Variants in SRPRB observed in about 807,000 individuals in gnomAD.
SRPRB encodes SRP receptor subunit beta, also known as signal recognition particle receptor subunit beta.
SRPRB carries 20 observed loss-of-function variants against 31.9 expected under a neutral mutation model. The observed-to-expected ratio is 0.63, with a 90% CI of 0.44 to 0.91. SRPRB has a LOEUF of 0.91. Ranked by LOEUF, SRPRB falls within the 40% of genes least tolerant of loss-of-function variation. The pLI is 0.00. For synonymous variants in SRPRB, 146 were observed against 132.8 expected, an observed-to-expected ratio of 1.10 and a Z score of -0.68; for missense variants, 321 against 324.9, an observed-to-expected ratio of 0.99 and a Z score of 0.09.
At chr3:133,787,435 T>C (rs567906443) in intron 1 of SRPRB, 1 of 152,358 alleles carries the variant, frequency 6.6e-6, no homozygotes, top group East Asian at 1.9e-4. Context: ...TAGCCACTGA[T>C]ACATGTGCAA....
At chr3:133,800,551 G>A (rs950795633) in intron 1 of SRPRB, among the ~76,000 whole-genome samples, 1 of 152,216 alleles carries the variant, frequency 6.6e-6, no homozygotes, top group Admixed American at 6.5e-5. Context: ...GGATATAGGG[G>A]ACTGATCCTA....
At chr3:133,798,564 AT>A (rs1232180354) in intron 1 of SRPRB, among the ~76,000 whole-genome samples, 1 of 152,198 alleles carries the variant, frequency 6.6e-6, no homozygotes, top group Non-Finnish European at 1.5e-5. Context: ...CTTTTATAAA[AT>A]TTTTGTTCCA....
chr3:133,789,878 CGTTTTTTTT>C (rs1392946990), intron 1 of SRPRB: 8 of 52,440 alleles, frequency 1.5e-4, no homozygotes, highest in Middle Eastern at 0.014. Context: ...ATCTCGTTTG[CGTTTTTTTT>C]TTTTTTTTTT....
intron 4 of SRPRB, among the ~76,000 whole-genome samples, chr3:133,812,487 T>TA (rs1188632768): frequency 6.6e-6 from 1 of 152,228 alleles, no homozygotes; most frequent in East Asian, 1.9e-4. Context: ...TTTGGGTAAA[T>TA]AAAACATGCA....
At chr3:133,801,314 A>G (rs1001509535), upstream of SRPRB, among the ~76,000 whole-genome samples, 9 of 152,256 alleles carry the variant, frequency 5.9e-5, no homozygotes, top group Admixed American at 1.3e-4. Flanking sequence ...AGCAGTCAGT[A>G]TCGCATGTCC....
In SRPRB at chr3:133,796,241, G is replaced by A. The variant is rs955920289; in HGVS notation, c.-173-9435G>A. 2.0e-5 allele frequency: 3 copies of A among 152,938 alleles called. No homozygotes were observed. The Admixed American group carries it at 2.0e-4, about 10-fold the overall frequency. 9.5% of individuals were successfully genotyped at this position (152,938 alleles called of 1,614,324 possible). ...CCCTGCCTTCACTAGAAAGAGCAGA[G>A]CAGGACTTCTGTGATCCTCAATAGG... On this transcript the variant is annotated intron_variant, in intron 1 of 7. Transcript: ENST00000466490.
Position 133,805,819 on chromosome 3 carries a change from T to C in SRPRB, c.-30T>C. Reference sequence around the variant, plus strand: ...CGCAGAGTGCAGGGCCACGTCGCTTTTGCTGTACCGGGGACCACGCGTCTC... The same window carrying C: ...CGCAGAGTGCAGGGCCACGTCGCTTCTGCTGTACCGGGGACCACGCGTCTC... On this transcript the variant is annotated 5_prime_UTR_variant, in exon 1 of 7. Coordinates refer to ENST00000678299, the MANE Select transcript of SRPRB (RefSeq NM_001379313.1). The C allele has an allele frequency of 6.3e-7, 1 of 1,586,332 alleles. No homozygotes were observed. The highest frequency in any genetic ancestry group is 8.6e-7 in the Non-Finnish European group (1 of 1,167,354).
intron 1 of SRPRB, chr3:133,795,882 G>C (rs989124003): frequency 1.3e-5 from 2 of 152,232 alleles, no homozygotes; most frequent in African/African-American, 2.4e-5. Context: ...GGCCAAAAAG[G>C]GGAATTTTTT....
chr3:133,828,402 T>TAGATCTCG, downstream of SRPRB: 1 of 353,344 alleles, frequency 2.8e-6, no homozygotes. Flanking sequence ...GGAGGAGGTG[T>TAGATCTCG]GTGGAAAAGG....
At chr3:133,828,173 G>C, downstream of SRPRB, 1 of 592,302 alleles carries the variant, frequency 1.7e-6, no homozygotes, top group South Asian at 2.0e-5. Flanking sequence ...ACACGAGGTT[G>C]ACGACCCACT....
At chr3:133,806,056 T>C in intron 1 of SRPRB, 54 bp downstream of exon 1, 2 of 1,584,364 alleles carry the variant, frequency 1.3e-6, no homozygotes, top group South Asian at 2.3e-5. Flanking sequence ...GGTCCGGGCT[T>C]TGGCTGCACC....
At chr3:133,808,629 G>A (rs1449412949) in intron 3 of SRPRB, among the ~76,000 whole-genome samples, 1 of 151,914 alleles carries the variant, frequency 6.6e-6, no homozygotes, top group Non-Finnish European at 1.5e-5. Context: ...GGTGGCTCAC[G>A]CCTGTAATCC....
At chr3:133,801,804 C>T (rs928896908), upstream of SRPRB, among the ~76,000 whole-genome samples, 7 of 152,170 alleles carry the variant, frequency 4.6e-5, 1 homozygote, top group Admixed American at 1.3e-4. Context: ...GTGGCATGAC[C>T]GCTGCCAGTT....
exon 1 of SRPRB, chr3:133,784,116 A>G (rs904223753): frequency 6.6e-6 from 1 of 152,320 alleles, no homozygotes; most frequent in African/African-American, 2.4e-5. Flanking sequence ...CCCGAGGACA[A>G]CCGACAAAGT....
At chr3:133,811,321 T>C (rs1175526058) in intron 4 of SRPRB, 122 bp downstream of exon 4, 1 of 963,398 alleles carries the variant, frequency 1.0e-6, no homozygotes, top group Non-Finnish European at 1.5e-6. Context: ...GACCTTGAGG[T>C]GACCTTGGGG....
chr3:133,787,680 A>G (rs1934722071), intron 1 of SRPRB: 1 of 152,224 alleles, frequency 6.6e-6, no homozygotes, highest in Non-Finnish European at 1.5e-5. Flanking sequence ...AAGAAATTAC[A>G]AAAGATGTTT....
downstream of SRPRB, among the ~76,000 whole-genome samples, chr3:133,822,049 C>G (rs552230006): frequency 5.8e-4 from 88 of 152,280 alleles, no homozygotes; most frequent in African/African-American, 2.1e-3. Context: ...CAAATGTGCT[C>G]TCTCCACTCA....
At chr3:133,816,398 G>T (rs1935368145) in intron 5 of SRPRB, among the ~76,000 whole-genome samples, 1 of 152,156 alleles carries the variant, frequency 6.6e-6, no homozygotes, top group Non-Finnish European at 1.5e-5. Flanking sequence ...TATTTGCCAT[G>T]GGCTTTGTGC....
upstream of SRPRB, among the ~76,000 whole-genome samples, chr3:133,801,293 T>C (rs1935057388): frequency 6.6e-6 from 1 of 152,200 alleles, no homozygotes; most frequent in African/African-American, 2.4e-5. Flanking sequence ...ACTAAAAACT[T>C]ATCAGCAGGC....
Sources: gnomAD v4.1 joint callset for allele counts (sites outside exome capture counted in the v4.1 genomes callset) on GRCh38, gnomAD v4.1.1 for gene constraint, MANE v1.5 for transcripts, NCBI Gene and HGNC (gene_info 2026-07-23, HGNC 2026-07-21) for gene names.